Variants in ETFA observed in about 807,000 individuals in gnomAD.
The protein encoded by ETFA is electron transfer flavoprotein subunit alpha, mitochondrial.
Under a neutral mutation model 46.2 loss-of-function variants are expected in ETFA, and 22 were observed. That is an observed-to-expected ratio of 0.48 (90% CI 0.34 to 0.68). The LOEUF (loss-of-function observed/expected upper bound fraction) is 0.68, where lower values mean the gene tolerates loss of function less well. Among genes scored for constraint, ETFA ranks in the 30% least tolerant of loss-of-function variants. The pLI is 0.01. For missense variants in ETFA, 345 were observed against 401.1 expected, an observed-to-expected ratio of 0.86 and a Z score of 1.19; for synonymous variants, 131 against 139.9, an observed-to-expected ratio of 0.94 and a Z score of 0.45.
chr15:76,232,092 A>G (rs1463545532), intron 9 of ETFA, among the ~76,000 whole-genome samples: 1 of 152,180 alleles, frequency 6.6e-6, no homozygotes, highest in East Asian at 1.9e-4. Context: ...GAGCCTAACA[A>G]AAAGGCCTCC....
intron 9 of ETFA, among the ~76,000 whole-genome samples, chr15:76,242,215 T>C (rs2039199261): frequency 6.6e-6 from 1 of 152,192 alleles, no homozygotes. Context: ...CTACGTAGAA[T>C]TTTGGAGTTG....
chr15:76,263,451 G>A lies in ETFA; in HGVS notation c.816+10961C>T, dbSNP rs187848073. Among the ~76,000 whole-genome samples the A allele has an allele frequency of 2.3e-3, 356 of 152,314 alleles. 1 individual carries two copies. Among genetic ancestry groups the A allele is most frequent in the Non-Finnish European group, 2.3e-3 (156 of 68,022 alleles). ...AAGAAGCTCGGTGAGGAAGCTGAGC[G>A]CTTGGAAGAACCAGGGTAACAATGG... On this transcript the variant is annotated intron_variant, in intron 9 of 11. Coordinates refer to ENST00000557943, the MANE Select transcript of ETFA (RefSeq NM_000126.4).
At chr15:76,216,656 A>ATT (rs2038899132) in intron 11 of ETFA, 59 bp from the exon 12 acceptor site, 12 of 1,098,442 alleles carry the variant, frequency 1.1e-5, no homozygotes, top group Non-Finnish European at 1.5e-5. Flanking sequence ...ATATGGTCAC[A>ATT]GCTCCGTAAG....
At chr15:76,287,672 G>A (rs2039715798) in intron 5 of ETFA, 174 bp downstream of exon 5, 1 of 567,894 alleles carries the variant, frequency 1.8e-6, no homozygotes, top group East Asian at 3.2e-5. Flanking sequence ...CCATCAGAGA[G>A]AATGCCATGT....
intron 1 of ETFA, among the ~76,000 whole-genome samples, chr15:76,307,938 CATT>C (rs1405626012): frequency 6.6e-6 from 1 of 151,868 alleles, no homozygotes; most frequent in Non-Finnish European, 1.5e-5. Flanking sequence ...AGCTACAGAA[CATT>C]TTTTTTTTAA....
intron 9 of ETFA, among the ~76,000 whole-genome samples, chr15:76,251,471 T>G (rs1260648052): frequency 6.6e-6 from 1 of 152,164 alleles, no homozygotes; most frequent in African/African-American, 2.4e-5. Flanking sequence ...AATAAAGTAG[T>G]TGAAATACTA....
chr15:76,238,879 G>A (rs1481973299), intron 9 of ETFA, among the ~76,000 whole-genome samples: 1 of 152,100 alleles, frequency 6.6e-6, no homozygotes, highest in Non-Finnish European at 1.5e-5. Flanking sequence ...ACAGCTCTCT[G>A]CCCGTATTAT....
rs201994323 is a variant in ETFA, at chr15:76,309,471, C to CA, written c.39+1878dup. Among the ~76,000 whole-genome samples, 621 of 151,490 alleles carry CA rather than the reference C, an allele frequency of 4.1e-3. 4 individuals carry two copies. The highest frequency in any genetic ancestry group is 0.014 in the African/African-American group (566 of 41,270). On this transcript the variant is annotated intron_variant, in intron 1 of 11. Transcript: ENST00000557943. The stretch of plus-strand genomic sequence containing the variant: ...GTCTCAAAACAAACAAACAAACAAA[C>CA]AAAAAAAACAGCTATTCTACTTAGC...
chr15:76,305,361 G>A (rs1378804008), intron 1 of ETFA, among the ~76,000 whole-genome samples: 2 of 152,164 alleles, frequency 1.3e-5, no homozygotes, highest in African/African-American at 4.8e-5. Context: ...GTAACTAAAT[G>A]AAAACTTTTC....
At chr15:76,231,107 G>T (rs2039062505) in intron 10 of ETFA, 1 of 514,526 alleles carries the variant, frequency 1.9e-6, no homozygotes, top group Non-Finnish European at 3.5e-6. Flanking sequence ...TAAGTTAGCA[G>T]TGGAGCTATA....
chr15:76,227,633 C>G, intron 10 of ETFA: 1 of 361,402 alleles, frequency 2.8e-6, no homozygotes, highest in Non-Finnish European at 5.4e-6. Flanking sequence ...TGCAGTTAGA[C>G]TCTAATGTAG....
intron 11 of ETFA, among the ~76,000 whole-genome samples, chr15:76,216,840 CTTTTTTTTTTTT>C (rs373144812): frequency 1.1e-5 from 1 of 89,280 alleles, no homozygotes; most frequent in Admixed American, 1.5e-4. Context: ...TGCCTTTTGC[CTTTTTTTTTTTT>C]TTTTTTTTTT....
intron 10 of ETFA, chr15:76,230,208 A>C: frequency 1.2e-5 from 1 of 83,378 alleles, no homozygotes; most frequent in African/African-American, 4.1e-5. Flanking sequence ...TCCTTCCTCT[A>C]CTTATTGCAC....
chr15:76,309,524 A>C (rs2039969382), intron 1 of ETFA, among the ~76,000 whole-genome samples: 1 of 152,260 alleles, frequency 6.6e-6, no homozygotes, highest in African/African-American at 2.4e-5. Context: ...AAATAAGTCA[A>C]GGTCAAAGTC....
At chr15:76,262,021 T>C (rs921238126) in intron 9 of ETFA, among the ~76,000 whole-genome samples, 1 of 152,022 alleles carries the variant, frequency 6.6e-6, no homozygotes, top group African/African-American at 2.4e-5. Flanking sequence ...TGCGCAAGGA[T>C]GTAAAGTAAA....
intron 9 of ETFA, chr15:76,259,853 A>T: frequency 6.9e-7 from 1 of 1,453,944 alleles, no homozygotes; most frequent in East Asian, 2.3e-5. Context: ...CCAGGAGGTG[A>T]GCAGGAAGGC....
At chr15:76,303,084 CA>C (rs1389293850) in intron 1 of ETFA, among the ~76,000 whole-genome samples, 1 of 152,142 alleles carries the variant, frequency 6.6e-6, no homozygotes, top group Admixed American at 6.5e-5. Flanking sequence ...GCGAGTGGAT[CA>C]CCTAAGGTCA....
Position 76,283,839 on chromosome 15 carries a change from ATG to A in ETFA, c.665-16_665-15del. ...TCAAGCCTCGACCTCATTTAAAAAG[ATG>A]AAAAAAAAAAATTAGGCAAACATCA... On this transcript the variant is annotated splice_polypyrimidine_tract_variant and intron_variant, in intron 7 of 11. Transcript: ENST00000557943. The A allele has an allele frequency of 6.3e-7, 1 of 1,594,450 alleles. No individual in the cohort carries two copies.
chr15:76,271,357 T>C lies in ETFA; in HGVS notation c.816+3055A>G, dbSNP rs78429756. Among the ~76,000 whole-genome samples the C allele has an allele frequency of 2.1e-3, 317 of 152,302 alleles. 2 individuals carry two copies. The highest frequency in any genetic ancestry group is 3.6e-3 in the Non-Finnish European group (244 of 68,028). On this transcript the variant is annotated intron_variant, in intron 9 of 11. Transcript: ENST00000557943. ...AAAGACCAAATGAAATTGTATACCATCTGATAGGATGAGGTATCACTTCTG... is the reference window on the plus strand; with the variant it reads ...AAAGACCAAATGAAATTGTATACCACCTGATAGGATGAGGTATCACTTCTG...
Sources: gnomAD v4.1 joint callset for allele counts (sites outside exome capture counted in the v4.1 genomes callset) on GRCh38, gnomAD v4.1.1 for gene constraint, MANE v1.5 for transcripts, NCBI Gene and HGNC (gene_info 2026-07-23, HGNC 2026-07-21) for gene names.